Variants in KANK1 observed in about 807,000 individuals in gnomAD.
KANK1 encodes the protein KN motif and ankyrin repeat domain-containing protein 1.
In KANK1, 109 loss-of-function variants were observed where a neutral mutation model predicts 106.2. That is an observed-to-expected ratio of 1.03 (90% CI 0.88 to 1.20). KANK1 has a LOEUF of 1.20. Ranked by LOEUF, KANK1 falls within the 50% of genes most tolerant of loss-of-function variation. The probability of loss-of-function intolerance (pLI) is 0.00; values close to 1 mark genes in which losing one functional copy is unlikely to be tolerated. For synonymous variants in KANK1, 873 were observed against 652.2 expected (o/e 1.34, Z -5.16); for missense variants, 2,399 against 1,710.7 (o/e 1.40, Z -7.10).
At chr9:738,234 C>A (rs536568837) in intron 7 of KANK1, 51 bp from the exon 8 acceptor site, 2 of 1,466,948 alleles carry the variant, frequency 1.4e-6, no homozygotes, top group East Asian at 4.8e-5. Flanking sequence ...TCAACTAGGT[C>A]TCAGAAAGTC....
intron 1 of KANK1, among the ~76,000 whole-genome samples, chr9:618,527 T>C (rs1475101967): frequency 6.6e-6 from 1 of 152,248 alleles, no homozygotes; most frequent in East Asian, 1.9e-4. Flanking sequence ...ATTTTTAAAA[T>C]GAAGAAACAG....
chr9:483,910 G>A (rs1455882055), intron 3 of KANK1, among the ~76,000 whole-genome samples: 3 of 152,182 alleles, frequency 2.0e-5, no homozygotes, highest in Non-Finnish European at 4.4e-5. Context: ...AAGGGAGACA[G>A]AGCGAGCAGG....
rs558101738 is a variant in KANK1 at position 573,354 on chromosome 9, C to G, written c.-84+68600C>G. ...GCGCAATCTTGGCTCACTGCAAGCT[C>G]CACCTCCTGGGTTCACGCCATTCTC... On this transcript the variant is annotated intron_variant, in intron 1 of 11. Coordinates refer to ENST00000382297, the MANE Select transcript of KANK1 (RefSeq NM_015158.5). 1.2e-4 allele frequency among the ~76,000 whole-genome samples: 18 copies of G among 152,244 alleles called. No homozygotes were observed. The South Asian group carries it at 3.5e-3, about 30-fold the overall frequency.
intron 2 of KANK1, among the ~76,000 whole-genome samples, chr9:691,917 A>G (rs75701211): frequency 1.3e-5 from 2 of 151,964 alleles, no homozygotes; most frequent in African/African-American, 2.4e-5. Context: ...ATGCCCCCCA[A>G]AAAGGGTTCT....
intron 2 of KANK1, chr9:684,290 T>C (rs1196698668): frequency 1.0e-6 from 1 of 985,226 alleles, no homozygotes; most frequent in Non-Finnish European, 1.2e-6. Context: ...ACCAGCCTAT[T>C]TGAGTGTAGG....
At position 742,383 on chromosome 9, in the gene KANK1, G is replaced by C. The variant is rs1200370096; in HGVS notation, c.3875G>C (p.Cys1292Ser). The change falls in exon 10 of 12, where the codon TGC (cysteine) becomes TCC (serine). Residue 1292 changes from cysteine to serine, a missense_variant. By Grantham distance (112) the Cys-to-Ser change is moderately radical. Coordinates refer to ENST00000382297, the MANE Select transcript of KANK1 (RefSeq NM_015158.5). ...AAGCTGCTGCTGGCCCAGCCCGGCT[G>C]CAACGGTCACCTAGAGGACAACGTA... The part of the protein sequence containing the change: ...IVKLLLAQPG[C>S]NGHLEDNDGS... 5.0e-6 allele frequency: 8 copies of C among 1,613,606 alleles called. No homozygotes were observed. Among genetic ancestry groups the C allele is most frequent in the Non-Finnish European group, 6.8e-6 (8 of 1,179,856 alleles).
intron 1 of KANK1, among the ~76,000 whole-genome samples, chr9:556,422 G>A (rs1380949965): frequency 6.6e-6 from 1 of 152,174 alleles, no homozygotes; most frequent in Non-Finnish European, 1.5e-5. Context: ...AGTCTCTGGA[G>A]TCAGCCAGAT....
At chr9:539,413 C>A (rs767305686) in intron 1 of KANK1, 8 of 152,150 alleles carry the variant, frequency 5.3e-5, no homozygotes, top group African/African-American at 1.9e-4. Context: ...TTTATGTCTT[C>A]AGTTTCTTTT....
At position 711,066 on chromosome 9, in the gene KANK1, C is replaced by G. The variant is rs1473222319; in HGVS notation, c.300C>G (p.Asn100Lys). The G allele has an allele frequency of 6.2e-7, 1 of 1,614,034 alleles. No individual in the cohort carries two copies. The highest frequency in any genetic ancestry group is 8.5e-7 in the Non-Finnish European group (1 of 1,180,012). ...ESLSSSNSDD[N>K]KQCPNFLIAR... Reference sequence around the variant, plus strand: ...TCTCATCCTCCAACAGTGATGACAACAAGCAGTGCCCCAACTTCCTCATAG... The same window carrying G: ...TCTCATCCTCCAACAGTGATGACAAGAAGCAGTGCCCCAACTTCCTCATAG... The change falls in exon 3 of 12, where the codon AAC (asparagine) becomes AAG (lysine). Residue 100 changes from asparagine (N) to lysine (K), a missense_variant. By Grantham distance (94) the Asn-to-Lys change is moderately conservative. Coordinates refer to ENST00000382297, the MANE Select transcript of KANK1 (RefSeq NM_015158.5).
intron 1 of KANK1, among the ~76,000 whole-genome samples, chr9:583,878 T>C (rs1019448870): frequency 9.9e-5 from 15 of 151,962 alleles, no homozygotes; most frequent in African/African-American, 3.4e-4. Context: ...CCCAAAGATA[T>C]GCTAATCAAA....
chr9:520,558 G>A (rs1468981084), intron 1 of KANK1, among the ~76,000 whole-genome samples: 4 of 151,626 alleles, frequency 2.6e-5, no homozygotes, highest in Non-Finnish European at 5.9e-5. Context: ...GGAGGTTAGC[G>A]AATAATTGAA....
chr9:571,990 G>A lies in KANK1; in HGVS notation c.-84+67236G>A, dbSNP rs147392224. ...GGTGCAGAACAACTCGGAACTTTGT[G>A]GTTGGGCATCTTTTTCTGCCGTCCA... On this transcript the variant is annotated intron_variant, in intron 1 of 11. Transcript: ENST00000382297. Among the ~76,000 whole-genome samples, 34 of 152,224 alleles carry A rather than the reference G, an allele frequency of 2.2e-4. No homozygotes were observed. In the East Asian group the frequency reaches 4.8e-3, roughly 22 times the overall value.
chr9:608,203 A>G (rs1365821759), intron 1 of KANK1, among the ~76,000 whole-genome samples: 1 of 149,326 alleles, frequency 6.7e-6, no homozygotes, highest in African/African-American at 2.5e-5. Flanking sequence ...GCGCCCGGCT[A>G]ATTTTTTGTA....
chr9:691,738 C>T (rs1007405373), intron 2 of KANK1, among the ~76,000 whole-genome samples: 2 of 149,852 alleles, frequency 1.3e-5, no homozygotes, highest in East Asian at 2.0e-4. Context: ...TCTCAGCTCC[C>T]GAGAAACTGA....
intron 1 of KANK1, among the ~76,000 whole-genome samples, chr9:535,744 T>A (rs992375522): frequency 3.9e-5 from 6 of 152,232 alleles, no homozygotes; most frequent in African/African-American, 1.4e-4. Context: ...ATTTCCTGTG[T>A]CCTTGACAGT....
At chr9:729,141 G>T (rs972535491) in intron 3 of KANK1, among the ~76,000 whole-genome samples, 10 of 152,130 alleles carry the variant, frequency 6.6e-5, no homozygotes, top group Admixed American at 1.3e-4. Context: ...AATCCAAATT[G>T]CTTCGGTCAG....
chr9:696,033 C>T (rs1026883681), intron 2 of KANK1, among the ~76,000 whole-genome samples: 2 of 152,090 alleles, frequency 1.3e-5, no homozygotes, highest in African/African-American at 4.8e-5. Flanking sequence ...TGGCTCATGC[C>T]TGTAATCCCA....
intron 10 of KANK1, 62 bp downstream of exon 10, chr9:742,467 G>C: frequency 2.9e-6 from 4 of 1,394,948 alleles, no homozygotes; most frequent in Non-Finnish European, 3.9e-6. Context: ...GGGAGCTCTG[G>C]GAGTGCCTTT....
chr9:742,480 G>A (rs1835902865), intron 10 of KANK1, 75 bp downstream of exon 10: 5 of 1,211,366 alleles, frequency 4.1e-6, no homozygotes, highest in Non-Finnish European at 5.8e-6. Context: ...GTGCCTTTTG[G>A]CCAGGAGCGA....
Sources: gnomAD v4.1 joint callset for allele counts (sites outside exome capture counted in the v4.1 genomes callset) on GRCh38, gnomAD v4.1.1 for gene constraint, MANE v1.5 for transcripts, NCBI Gene and HGNC (gene_info 2026-07-23, HGNC 2026-07-21) for gene names.